The following UPRT variants were observed in gnomAD, a reference collection of about 807,000 sequenced individuals.
UPRT encodes RP11-311P8.3.
A neutral mutation model predicts 22.6 loss-of-function variants in UPRT; 5 were observed. The observed-to-expected ratio is 0.22, with a 90% CI of 0.12 to 0.47. UPRT has a LOEUF of 0.47. Among genes scored for constraint, UPRT ranks in the 20% least tolerant of loss-of-function variants. The pLI is 0.99. For synonymous variants in UPRT, 77 were observed against 87.7 expected, an observed-to-expected ratio of 0.88 and a Z score of 0.68; for missense variants, 181 against 239.9, an observed-to-expected ratio of 0.75 and a Z score of 1.62.
intron 4 of UPRT, among the ~76,000 whole-genome samples, chrX:75,175,011 G>T (rs6655628): frequency 0.029 from 3,167 of 108,093 alleles, 115 homozygotes; most frequent in African/African-American, 0.1. Context: ...TCTCTCTCTC[G>T]TTCTCTGATG....
At chrX:75,204,871 A>AG (rs1347288421) in intron 4 of UPRT, among the ~76,000 whole-genome samples, 1 of 110,996 alleles carries the variant, frequency 9.0e-6, no homozygotes, top group African/African-American at 3.3e-5. Flanking sequence ...AGGTTGACGA[A>AG]GGGGGTCCAG....
chrX:75,216,497 G>A (rs142349336), intron 4 of UPRT, among the ~76,000 whole-genome samples: 1,260 of 112,390 alleles, frequency 0.011, 19 homozygotes, highest in African/African-American at 0.039. Flanking sequence ...GTGGGTTGTG[G>A]TGCTGGTGGT....
chrX:75,165,765 T>C (rs188440398), intron 3 of UPRT, among the ~76,000 whole-genome samples: 151 of 111,553 alleles, frequency 1.4e-3, no homozygotes, highest in African/African-American at 4.5e-3. Flanking sequence ...AGATAATAAA[T>C]TTTTTCTTTT....
chrX:75,157,770 G>T lies in UPRT; in HGVS notation c.-737+1220G>T, dbSNP rs1288475586. On this transcript the variant is annotated intron_variant, in intron 1 of 13. Coordinates refer to the UPRT transcript ENST00000652605. ...CTAGCAGTAGCAGTGGCAGTAGATC[G>T]ATTGCAGGGCAATTAGGAGATGGAA... is the stretch of plus-strand genomic sequence containing the variant. 6.2e-5 allele frequency among the ~76,000 whole-genome samples: 7 copies of T among 112,245 alleles called. No homozygotes were observed. In the Admixed American group the frequency reaches 6.6e-4, roughly 11 times the overall value.
At chrX:75,183,411 C>A (rs1238030116) in intron 4 of UPRT, among the ~76,000 whole-genome samples, 1 of 111,775 alleles carries the variant, frequency 8.9e-6, no homozygotes, top group African/African-American at 3.3e-5. Flanking sequence ...TTTTCTTAAT[C>A]CAGTCTATCA....
intron 4 of UPRT, among the ~76,000 whole-genome samples, chrX:75,179,815 C>T (rs781029625): frequency 5.3e-4 from 60 of 112,630 alleles, no homozygotes; most frequent in African/African-American, 1.4e-3. Context: ...GCTCCGAGCG[C>T]GGGGCCCGCC....
chrX:75,284,815 G>A (rs980184560), intron 1 of UPRT, among the ~76,000 whole-genome samples: 2 of 111,831 alleles, frequency 1.8e-5, no homozygotes, highest in Non-Finnish European at 3.8e-5. Flanking sequence ...AGCATCACCT[G>A]TAGTAGTATG....
chrX:75,270,797 G>A (rs907763218), upstream of UPRT, among the ~76,000 whole-genome samples: 7 of 111,353 alleles, frequency 6.3e-5, no homozygotes, highest in Admixed American at 2.9e-4. Context: ...GGAAAACTAC[G>A]TAATGTAGGC....
At chrX:75,296,490 T>G (rs754683826) in intron 3 of UPRT, 79 bp downstream of exon 3, 2 of 870,073 alleles carry the variant, frequency 2.3e-6, no homozygotes, top group South Asian at 4.8e-5. Context: ...TAAAGCAGTC[T>G]AAGTAAAATA....
At chrX:75,272,541 CA>C, upstream of UPRT, among the ~76,000 whole-genome samples, 1 of 106,721 alleles carries the variant, frequency 9.4e-6, no homozygotes, top group Non-Finnish European at 1.9e-5. Context: ...ATGATGGATA[CA>C]AAGGCATATG....
intron 4 of UPRT, among the ~76,000 whole-genome samples, chrX:75,181,496 C>T (rs1414228392): frequency 1.8e-5 from 2 of 110,990 alleles, no homozygotes; most frequent in Non-Finnish European, 3.8e-5. Context: ...GAATGTTTTT[C>T]CATTTGTATC....
intron 4 of UPRT, among the ~76,000 whole-genome samples, chrX:75,232,182 G>A (rs1602463681): frequency 8.9e-6 from 1 of 112,198 alleles, no homozygotes. Flanking sequence ...GGTGACAGAC[G>A]GCACCTGGAA....
rs751929832 is a variant in UPRT at position 75,293,361 on chromosome X, T to A, written c.387-111T>A. On this transcript the variant is annotated intron_variant, in intron 1 of 6. Transcript: ENST00000373383. ...CAGTAATAGTCTGTACATGTAAGCA[T>A]TTAAGCTTTTAGTATGTTATAGGTC... The A allele has an allele frequency of 8.6e-6, 6 of 695,854 alleles. No homozygotes were observed. The South Asian group carries it at 1.1e-4, about 13-fold the overall frequency. The allele number at this position is 695,854 out of a possible 1,213,427, so 57.3% of individuals were successfully genotyped here.
Position 75,280,556 on chromosome X carries a change from G to T in UPRT, c.386+5916G>T, listed in dbSNP as rs181344181. Among the ~76,000 whole-genome samples the T allele has an allele frequency of 1.0e-3, 116 of 111,576 alleles. No individual in the cohort carries two copies. In the Middle Eastern group the frequency reaches 0.014, roughly 13 times the overall value. ...CTTTCCCCACTTCATATTTTTGTTT[G>T]CTTTGTCGAAGATCAGTTGGCTATA... On this transcript the variant is annotated intron_variant, in intron 1 of 6. Transcript: ENST00000373383.
chrX:75,177,963 C>T (rs892347299), intron 4 of UPRT, among the ~76,000 whole-genome samples: 1 of 112,330 alleles, frequency 8.9e-6, no homozygotes, highest in African/African-American at 3.2e-5. Context: ...CATTAGGACC[C>T]AGAGGGCAAA....
chrX:75,274,081 A>G (rs909204154), upstream of UPRT: 1 of 672,543 alleles, frequency 1.5e-6, no homozygotes, highest in Non-Finnish European at 2.1e-6. Context: ...GGCGGGAGTG[A>G]GCCAAAGTGT....
chrX:75,245,792 T>A (rs956324885), intron 4 of UPRT, among the ~76,000 whole-genome samples: 4 of 111,001 alleles, frequency 3.6e-5, no homozygotes, highest in Admixed American at 1.9e-4. Flanking sequence ...GGCCTACTTG[T>A]GGGTGGAGAA....
intron 4 of UPRT, among the ~76,000 whole-genome samples, chrX:75,222,358 C>T (rs773153734): frequency 9.0e-5 from 10 of 111,514 alleles, no homozygotes; most frequent in Non-Finnish European, 1.7e-4. Context: ...TATGTATGCT[C>T]AAGGCTCTAG....
intron 4 of UPRT, among the ~76,000 whole-genome samples, chrX:75,228,673 C>CT (rs1451917202): frequency 9.0e-6 from 1 of 111,471 alleles, no homozygotes; most frequent in East Asian, 2.8e-4. Context: ...TAATTGAGTT[C>CT]TATAGGCAAG....
Sources: allele counts gnomAD v4.1 joint callset (sites outside exome capture counted in the v4.1 genomes callset), GRCh38; gene constraint gnomAD v4.1.1; transcripts MANE v1.5; gene names NCBI Gene and HGNC (gene_info 2026-07-23, HGNC 2026-07-21).